Variants in INO80C observed in about 807,000 individuals in gnomAD.
INO80C encodes IES6 homolog.
A neutral mutation model predicts 17.7 loss-of-function variants in INO80C; 17 were observed. That is an observed-to-expected ratio of 0.96 (90% CI 0.66 to 1.44). The LOEUF is 1.44. Among genes scored for constraint, INO80C ranks in the 40% most tolerant of loss-of-function variants. INO80C has a pLI of 0.00. For missense variants in INO80C, 244 were observed against 245.0 expected (o/e 1.00, Z 0.03); for synonymous variants, 96 against 95.8 (o/e 1.00, Z -0.01).
chr18:35,490,576 A>C (rs2045923829), intron 1 of INO80C, among the ~76,000 whole-genome samples: 1 of 123,388 alleles, frequency 8.1e-6, no homozygotes, highest in South Asian at 2.3e-4. Context: ...ACCAATCTGA[A>C]CTGTTAAAGA....
chr18:35,486,043 G>C (rs1177298128), intron 1 of INO80C, among the ~76,000 whole-genome samples: 1 of 152,242 alleles, frequency 6.6e-6, no homozygotes, highest in Non-Finnish European at 1.5e-5. Context: ...GCAAGTTCAG[G>C]AGTTCAAGGT....
chr18:35,470,520 G>A (rs2045657476), intron 4 of INO80C, among the ~76,000 whole-genome samples: 2 of 152,306 alleles, frequency 1.3e-5, no homozygotes. Context: ...AGGCTGCCCT[G>A]CAGTTCCGAG....
rs1040317764 is a variant in INO80C at position 35,468,462 on chromosome 18, A to C, written c.*149T>G. The C allele has an allele frequency of 1.5e-4, 216 of 1,395,106 alleles. No individual in the cohort carries two copies. The highest frequency in any genetic ancestry group is 2.7e-4 in the Middle Eastern group (1 of 3,726). 86.4% of individuals were successfully genotyped at this position (1,395,106 alleles called of 1,614,324 possible). On this transcript the variant is annotated 3_prime_UTR_variant, in exon 5 of 5. Coordinates refer to ENST00000334598, the MANE Select transcript of INO80C (RefSeq NM_194281.4). ...AAAACACACACTAAAAAAAAAAAAA[A>C]CCCTTAAATTAAAGCCAAACATTCT... is the stretch of plus-strand genomic sequence containing the variant.
In INO80C at chr18:35,497,774, C is replaced by G; in HGVS notation, c.101G>C (p.Gly34Ala). The change falls in exon 1 of 5, where the codon GGC becomes GCC. Residue 34 changes from glycine to alanine, a missense_variant. Physicochemically the swap from Gly to Ala is moderately conservative, Grantham distance 60. Coordinates refer to ENST00000334598, the MANE Select transcript of INO80C (RefSeq NM_194281.4). ...PASPSHNGSS[G>A]GGYGASKKKK... ...CTTCTTACTGGCGCCATAGCCCCCG[C>G]CGCTGCTGCCATTGTGGGAAGGGCT... is the stretch of plus-strand genomic sequence containing the variant. 6.2e-7 allele frequency: 1 copy of G among 1,613,216 alleles called. No homozygotes were observed. Among genetic ancestry groups the G allele is most frequent in the Non-Finnish European group, 8.5e-7 (1 of 1,179,608 alleles).
At chr18:35,476,207 A>G (rs140146613) in intron 4 of INO80C, among the ~76,000 whole-genome samples, 5 of 152,366 alleles carry the variant, frequency 3.3e-5, no homozygotes, top group East Asian at 3.9e-4. Flanking sequence ...GAGGAATTCC[A>G]GTAGTGGAGG....
chr18:35,474,228 T>TAC (rs2144033061), intron 4 of INO80C, among the ~76,000 whole-genome samples: 1 of 130,920 alleles, frequency 7.6e-6, no homozygotes, highest in East Asian at 2.0e-4. Context: ...TATATATATA[T>TAC]ATATATATAT....
intron 2 of INO80C, 37 bp downstream of exon 2, chr18:35,480,416 T>G: frequency 1.5e-6 from 2 of 1,377,226 alleles, no homozygotes; most frequent in Non-Finnish European, 2.1e-6. Context: ...AGGTGTGGCA[T>G]TTGGATGTTT....
chr18:35,492,930 C>G (rs355328), intron 1 of INO80C, among the ~76,000 whole-genome samples: 46,686 of 152,138 alleles, frequency 0.31, 8,524 homozygotes, highest in East Asian at 0.52. Flanking sequence ...TTGCCAAAAG[C>G]ATTTCTCTGT....
At chr18:35,479,146 C>G in intron 3 of INO80C, 154 bp downstream of exon 3, 1 of 578,022 alleles carries the variant, frequency 1.7e-6, no homozygotes, top group Non-Finnish European at 3.1e-6. Context: ...TGAGAAAATA[C>G]ACACATAATC....
At chr18:35,482,907 T>C (rs904951942) in intron 1 of INO80C, among the ~76,000 whole-genome samples, 1 of 152,212 alleles carries the variant, frequency 6.6e-6, no homozygotes, top group Non-Finnish European at 1.5e-5. Context: ...TACTTTTCAA[T>C]GCAAGCATGA....
At chr18:35,493,795 G>A (rs1198446302) in intron 1 of INO80C, among the ~76,000 whole-genome samples, 6 of 152,182 alleles carry the variant, frequency 3.9e-5, no homozygotes, top group South Asian at 4.1e-4. Context: ...TGTCCTACAC[G>A]TAAATGTGCT....
chr18:35,483,813 A>G (rs914779658), intron 1 of INO80C: 2 of 152,222 alleles, frequency 1.3e-5, no homozygotes, highest in African/African-American at 2.4e-5. Flanking sequence ...AGGGGAACAT[A>G]GTGGAATGGA....
intron 1 of INO80C, among the ~76,000 whole-genome samples, chr18:35,493,909 C>A (rs2045954593): frequency 6.6e-6 from 1 of 152,142 alleles, no homozygotes; most frequent in Admixed American, 6.5e-5. Context: ...GATGAAAGAC[C>A]TATAAAATCT....
intron 4 of INO80C, 135 bp downstream of exon 4, chr18:35,478,147 G>T: frequency 1.5e-6 from 1 of 675,986 alleles, no homozygotes; most frequent in Non-Finnish European, 2.5e-6. Context: ...TGAACACACT[G>T]CACAAACCTA....
chr18:35,484,643 A>G (rs1285370029), intron 1 of INO80C, among the ~76,000 whole-genome samples: 1 of 152,238 alleles, frequency 6.6e-6, no homozygotes, highest in African/African-American at 2.4e-5. Flanking sequence ...AGTAATCTAG[A>G]CGTGGTTGAA....
rs376313537 is a variant in INO80C, at chr18:35,479,294, G to A, written c.379+6C>T. 1.1e-5 allele frequency: 18 copies of A among 1,571,710 alleles called. No homozygotes were observed. Among genetic ancestry groups the A allele is most frequent in the Non-Finnish European group, 1.5e-5 (17 of 1,141,392 alleles). On this transcript the variant is annotated splice_donor_region_variant and intron_variant, in intron 3 of 4. Transcript: ENST00000334598. Reference sequence around the variant, plus strand: ...ACAAACACATGGAAGGCTCTAGACAGCTCACAGTTAGGATCGTTCAGTTGC... The same window carrying A: ...ACAAACACATGGAAGGCTCTAGACAACTCACAGTTAGGATCGTTCAGTTGC...
chr18:35,492,054 G>T (rs2045938368), intron 1 of INO80C, among the ~76,000 whole-genome samples: 1 of 152,214 alleles, frequency 6.6e-6, no homozygotes, highest in South Asian at 2.1e-4. Context: ...AGACAGTAGT[G>T]TGCTTGACTC....
rs771726318 is a variant in INO80C at position 35,480,496 on chromosome 18, TC to T, written c.223del (p.Glu75LysfsTer23). 1 of 1,614,090 alleles carries T rather than the reference TC, an allele frequency of 6.2e-7. No individual in the cohort carries two copies. The highest frequency in any genetic ancestry group is 2.2e-5 in the East Asian group (1 of 44,900). ...VPSEFSTGPV[E>X]KAAKPLPFKD... ...AAATGGCAAAGGTTTGGCAGCTTTT[TC>T]CACAGGTCCTGTGCTAAACTCAGAG... On this transcript the variant is annotated frameshift_variant, in exon 2 of 5. Transcript: ENST00000334598. LOFTEE classifies it high-confidence loss of function.
intron 3 of INO80C, chr18:35,478,928 G>C (rs929939613): frequency 7.3e-5 from 14 of 193,012 alleles, no homozygotes; most frequent in Non-Finnish European, 1.1e-4. Flanking sequence ...GTATAAAAGA[G>C]CTGGCCTTTA....
Sources: allele counts gnomAD v4.1 joint callset (sites outside exome capture counted in the v4.1 genomes callset), GRCh38; gene constraint gnomAD v4.1.1; transcripts MANE v1.5; gene names NCBI Gene and HGNC (gene_info 2026-07-23, HGNC 2026-07-21).